Variants in AKT2 observed in about 807,000 individuals in gnomAD.
The protein encoded by AKT2 is RAC-beta serine/threonine-protein kinase.
A neutral mutation model predicts 58.6 loss-of-function variants in AKT2; 16 were observed. That is an observed-to-expected ratio of 0.27 (90% confidence interval 0.18 to 0.41). The LOEUF (loss-of-function observed/expected upper bound fraction) is 0.41. AKT2 is among the 10% of genes least tolerant of loss of function. The pLI is 1.00. For synonymous variants in AKT2, 253 were observed against 254.0 expected (o/e 1.00, Z 0.04); for missense variants, 438 against 661.0 (o/e 0.66, Z 3.70).
chr19:40,257,543 C>G (rs1446418777), intron 2 of AKT2, among the ~76,000 whole-genome samples: 1 of 151,464 alleles, frequency 6.6e-6, no homozygotes, highest in Non-Finnish European at 1.5e-5. Context: ...TGACTCTTTC[C>G]AACTGTTCTT....
Position 40,242,408 on chromosome 19 carries a change from C to T in AKT2, c.441+126G>A, listed in dbSNP as rs1303998061. On this transcript the variant is annotated intron_variant, in intron 5 of 13. Coordinates refer to ENST00000392038, the MANE Select transcript of AKT2 (RefSeq NM_001626.6). The surrounding 1 kb of genome is among the most constrained non-coding windows in gnomAD (Gnocchi z 4.3). ...ACCTGCCACCTGAAATCACCCCACCCTGCAGGGCAGCCTTGTCTCTCAGCT... is the reference window on the plus strand; with the variant it reads ...ACCTGCCACCTGAAATCACCCCACCTTGCAGGGCAGCCTTGTCTCTCAGCT... The T allele has an allele frequency of 3.3e-5, 48 of 1,455,124 alleles. No individual in the cohort carries two copies. The allele number at this position is 1,455,124 out of a possible 1,614,324, so 90.1% of individuals were successfully genotyped here.
At chr19:40,283,572 G>C (rs191848374) in intron 1 of AKT2, among the ~76,000 whole-genome samples, 1 of 152,290 alleles carries the variant, frequency 6.6e-6, no homozygotes, top group East Asian at 1.9e-4. Flanking sequence ...GGGTCAATCA[G>C]GGACTGCAGC....
chr19:40,265,556 A>G, intron 1 of AKT2: 1 of 645,884 alleles, frequency 1.5e-6, no homozygotes, highest in Non-Finnish European at 2.5e-6. Context: ...AATCTGGGGG[A>G]AGCAGAGCTC....
intron 2 of AKT2, among the ~76,000 whole-genome samples, chr19:40,262,008 G>A (rs1049559838): frequency 2.6e-5 from 4 of 151,964 alleles, no homozygotes; most frequent in Admixed American, 2.6e-4. Flanking sequence ...GAGAGCTTCC[G>A]GGGACCGTCT....
chr19:40,250,622 G>A (rs1231861958), intron 4 of AKT2, among the ~76,000 whole-genome samples: 1 of 152,024 alleles, frequency 6.6e-6, no homozygotes, highest in Non-Finnish European at 1.5e-5. Flanking sequence ...GAGCCCAGGG[G>A]TTCAAGACCA....
intron 7 of AKT2, chr19:40,239,823 G>A (rs1425272439): frequency 1.4e-6 from 1 of 699,100 alleles, no homozygotes; most frequent in East Asian, 2.7e-5. Flanking sequence ...ATGCTTACAT[G>A]AAGCCACCAT....
In AKT2 at chr19:40,235,929, G is replaced by A; in HGVS notation, c.1136C>T (p.Ser379Phe). 6.2e-7 allele frequency: 1 copy of A among 1,613,564 alleles called. No individual in the cohort carries two copies. The highest frequency in any genetic ancestry group is 8.5e-7 in the Non-Finnish European group (1 of 1,180,006). ...FPRTLSPEAKSLLAGLLKKDP... is the reference protein window; with the variant it reads ...FPRTLSPEAKFLLAGLLKKDP... ...CTTCTTAAGCAGCCCAGCAAGCAGG[G>A]ACTTGGCCTCGGGGCTGAGCGTGCG... The change falls in exon 11 of 14, where the codon TCC becomes TTC. Residue 379 changes from serine to phenylalanine, a missense_variant. Around this residue, in one of 3 missense-constraint regions of AKT2, gnomAD observed 148 missense variants for 199.5 expected, o/e 0.74. Coordinates refer to ENST00000392038, the MANE Select transcript of AKT2 (RefSeq NM_001626.6). The surrounding 1 kb of genome is among the most constrained non-coding windows in gnomAD (Gnocchi z 6.3).
chr19:40,239,322 T>C, intron 7 of AKT2: 1 of 254,582 alleles, frequency 3.9e-6, no homozygotes, highest in Non-Finnish European at 7.6e-6. Flanking sequence ...TGGCTGGGAG[T>C]GGCAAAGGCT....
chr19:40,272,253 C>G (rs2077229117), intron 1 of AKT2, among the ~76,000 whole-genome samples: 1 of 152,244 alleles, frequency 6.6e-6, no homozygotes, highest in South Asian at 2.1e-4. Flanking sequence ...TTAGGCAGAT[C>G]TGGACTGGGG....
At position 40,235,406 on chromosome 19, in the gene AKT2, C is replaced by G; in HGVS notation, c.1176-56G>C. ...CCCGGAGCAGCTGGGTTCGGGCAGA[C>G]GGGCTTTCGGAGCAGGCAGGCCCTG... On this transcript the variant is annotated intron_variant, in intron 11 of 13. Transcript: ENST00000392038. This position sits in a 1 kb window ranked among gnomAD's most constrained non-coding sequence, Gnocchi z 6.3. The G allele has an allele frequency of 1.3e-6, 2 of 1,549,304 alleles. No individual in the cohort carries two copies. Among genetic ancestry groups the G allele is most frequent in the Non-Finnish European group, 1.8e-6 (2 of 1,124,548 alleles).
In AKT2 at chr19:40,238,832, C is replaced by T. The variant is rs1030456761; in HGVS notation, c.708+73G>A. The T allele has an allele frequency of 8.7e-6, 13 of 1,499,728 alleles. No individual in the cohort carries two copies. Among genetic ancestry groups the T allele is most frequent in the African/African-American group, 6.9e-5 (5 of 72,520 alleles). The allele number at this position is 1,499,728 out of a possible 1,614,324, so 92.9% of individuals were successfully genotyped here. On this transcript the variant is annotated intron_variant, in intron 8 of 13. Transcript: ENST00000392038. The surrounding 1 kb of genome is among the most constrained non-coding windows in gnomAD (Gnocchi z 5.1). ...TCCCTCCACCCTTCCATCTCACCCA[C>T]AGCTCCTCTCCATCCCGCCCCACCC...
At chr19:40,282,397 G>A in intron 1 of AKT2, 5 of 435,276 alleles carry the variant, frequency 1.1e-5, no homozygotes, top group South Asian at 3.3e-5. Context: ...TGGTAGCTGT[G>A]TCACCCCCTG....
chr19:40,244,324 G>T (rs1974607051), intron 4 of AKT2: 1 of 151,014 alleles, frequency 6.6e-6, no homozygotes, highest in Non-Finnish European at 1.5e-5. Flanking sequence ...CATGCCTGTG[G>T]TCTCAGCTAC....
In AKT2 at chr19:40,230,965, C is replaced by T. The variant is rs569655512; in HGVS notation, c.*2907G>A. 76 of 193,112 alleles carry T rather than the reference C, an allele frequency of 3.9e-4. 1 individual carries two copies. The highest frequency in any genetic ancestry group is 2.5e-4 in the East Asian group (3 of 12,236). The allele number at this position is 193,112 out of a possible 1,614,324, so 12.0% of individuals were successfully genotyped here. A position where few individuals can be genotyped will look rare whatever the true frequency, so the allele number is the denominator to read the frequency against. ...CTCGAACCCCTGGCCTCAAGAGACC[C>T]GCCCGCCTCGGCCTCCCAAATTGCT... is the stretch of plus-strand genomic sequence containing the variant. On this transcript the variant is annotated 3_prime_UTR_variant, in exon 14 of 14. Transcript: ENST00000392038.
At chr19:40,274,615 T>C (rs1368622160) in intron 1 of AKT2, 1 of 207,376 alleles carries the variant, frequency 4.8e-6, no homozygotes, top group Non-Finnish European at 1.0e-5. Flanking sequence ...TTTCCGACTA[T>C]ACACAGGATG....
chr19:40,274,153 C>A (rs1334040311), intron 1 of AKT2: 1 of 152,554 alleles, frequency 6.6e-6, no homozygotes, highest in Non-Finnish European at 1.5e-5. Context: ...CCCCTCACAG[C>A]ACTTGCCTCT....
rs781400894 is a variant in AKT2 at position 40,242,611 on chromosome 19, A to G, written c.364T>C (p.Tyr122His). ...QRAPGEDPMD[Y>H]KCGSPSDSST... ...GAGTCACTGGGGGAGCCACACTTGT[A>G]GTCCATGGGGTCCTCGCCTGGGGCC... The change falls in exon 5 of 14, where the codon TAC (tyrosine) becomes CAC (histidine). Residue 122 changes from tyrosine (Y) to histidine (H), a missense_variant. Physicochemically the swap from Tyr to His is moderately conservative, Grantham distance 83. This residue lies in a region of AKT2 where 244 missense variants were observed against 347.1 expected (regional missense o/e 0.70). Transcript: ENST00000392038. This position sits in a 1 kb window ranked among gnomAD's most constrained non-coding sequence, Gnocchi z 4.3. 15 of 1,613,804 alleles carry G rather than the reference A, an allele frequency of 9.3e-6. No individual in the cohort carries two copies. The South Asian group carries it at 1.5e-4, about 17-fold the overall frequency.
At chr19:40,284,090 C>T (rs2077470967) in intron 1 of AKT2, among the ~76,000 whole-genome samples, 1 of 152,076 alleles carries the variant, frequency 6.6e-6, no homozygotes, top group Non-Finnish European at 1.5e-5. Flanking sequence ...GAAAAGCAGC[C>T]CATTGGAGGC....
At chr19:40,243,168 G>A (rs1974518766) in intron 4 of AKT2, 1 of 172,114 alleles carries the variant, frequency 5.8e-6, no homozygotes. Context: ...GGAATACCAA[G>A]AGCGATCACC....
Sources: allele counts gnomAD v4.1 joint callset (sites outside exome capture counted in the v4.1 genomes callset), GRCh38; gene constraint gnomAD v4.1.1; regional missense constraint gnomAD v4.1.1; non-coding constraint Gnocchi (gnomAD v3.1); transcripts MANE v1.5; gene names NCBI Gene and HGNC (gene_info 2026-07-23, HGNC 2026-07-21).